Variants in KIAA1217 observed in about 807,000 individuals in gnomAD.
The protein encoded by KIAA1217 is KIAA1217, also known as sickle tail protein homolog.
Under a neutral mutation model 163.9 loss-of-function variants are expected in KIAA1217, and 88 were observed. The observed-to-expected ratio is 0.54, with a 90% CI of 0.45 to 0.64. KIAA1217 has a LOEUF of 0.64. KIAA1217 is among the 30% of genes least tolerant of loss of function. The pLI is 0.00. For synonymous variants in KIAA1217, 903 were observed against 923.1 expected, an observed-to-expected ratio of 0.98 and a Z score of 0.39; for missense variants, 2,372 against 2,475.0, an observed-to-expected ratio of 0.96 and a Z score of 0.88.
chr10:24,185,654 G>A (rs2066393462), intron 2 of KIAA1217, among the ~76,000 whole-genome samples: 1 of 152,084 alleles, frequency 6.6e-6, no homozygotes, highest in Admixed American at 6.5e-5. Context: ...AATTAGCCAA[G>A]CATGGTGGCT....
intron 1 of KIAA1217, among the ~76,000 whole-genome samples, chr10:23,867,837 G>C (rs989620294): frequency 6.6e-6 from 1 of 152,120 alleles, no homozygotes; most frequent in Non-Finnish European, 1.5e-5. Context: ...CTTTTGCTGT[G>C]CAGAAGCTCT....
chr10:24,105,388 A>G (rs2062584747), intron 2 of KIAA1217, among the ~76,000 whole-genome samples: 1 of 152,192 alleles, frequency 6.6e-6, no homozygotes. Flanking sequence ...GGAAGCCAGG[A>G]TGTACTGGGA....
chr10:23,978,149 A>G (rs77554940), intron 1 of KIAA1217, among the ~76,000 whole-genome samples: 1,790 of 152,280 alleles, frequency 0.012, 51 homozygotes, highest in African/African-American at 0.04. Flanking sequence ...GATCCTCATC[A>G]TGGTGATTTC....
chr10:24,492,610 C>T (rs1188160714), intron 6 of KIAA1217, among the ~76,000 whole-genome samples: 1 of 152,068 alleles, frequency 6.6e-6, no homozygotes, highest in Non-Finnish European at 1.5e-5. Context: ...TTGTGACAGA[C>T]CTTCAATTTT....
At chr10:24,080,567 A>C (rs919429829) in intron 2 of KIAA1217, among the ~76,000 whole-genome samples, 2 of 152,192 alleles carry the variant, frequency 1.3e-5, no homozygotes, top group African/African-American at 4.8e-5. Context: ...CTCACTAATT[A>C]ACCATAATTA....
chr10:23,869,136 T>G (rs926974704), intron 1 of KIAA1217, among the ~76,000 whole-genome samples: 68 of 142,842 alleles, frequency 4.8e-4, no homozygotes, highest in Non-Finnish European at 7.3e-4. Context: ...TTTTTTTTTT[T>G]TTTTTTTTTT....
intron 2 of KIAA1217, among the ~76,000 whole-genome samples, chr10:24,224,217 C>T (rs1393633758): frequency 6.6e-6 from 1 of 152,232 alleles, no homozygotes; most frequent in African/African-American, 2.4e-5. Flanking sequence ...TCAGGCTGTA[C>T]AGCCTCATTG....
chr10:23,975,469 A>G (rs1471141010), intron 1 of KIAA1217, among the ~76,000 whole-genome samples: 2 of 152,248 alleles, frequency 1.3e-5, no homozygotes, highest in African/African-American at 4.8e-5. Flanking sequence ...TTCTTTGAAA[A>G]TAAAAGGTAA....
At chr10:23,775,550 G>A (rs966688185) in intron 1 of KIAA1217, among the ~76,000 whole-genome samples, 3 of 152,114 alleles carry the variant, frequency 2.0e-5, no homozygotes, top group Admixed American at 6.5e-5. Context: ...TCACTCCTCC[G>A]TCCCCAAGTC....
rs183944279 is a variant in KIAA1217 at position 24,383,312 on chromosome 10, C to T, written c.553+2245C>T. The stretch of plus-strand genomic sequence containing the variant: ...AATGCCTGTCCGCCTTCCCCCATAC[C>T]TGGGGGAACTTTGACTCTGTCGGAT... On this transcript the variant is annotated intron_variant, in intron 3 of 20. Transcript: ENST00000376454. 1.7e-4 allele frequency among the ~76,000 whole-genome samples: 26 copies of T among 152,280 alleles called. No homozygotes were observed. In the East Asian group the frequency reaches 4.3e-3, roughly 25 times the overall value.
intron 1 of KIAA1217, among the ~76,000 whole-genome samples, chr10:23,900,765 G>A (rs951123987): frequency 5.3e-5 from 8 of 152,004 alleles, no homozygotes; most frequent in African/African-American, 1.9e-4. Flanking sequence ...TTAGTGGAGG[G>A]CGAGAAATAG....
intron 2 of KIAA1217, among the ~76,000 whole-genome samples, chr10:24,163,359 TTAATG>T (rs1564775490): frequency 6.6e-6 from 1 of 152,204 alleles, no homozygotes; most frequent in Non-Finnish European, 1.5e-5. Context: ...ACTATTGTCA[TTAATG>T]GCCTCAAGGA....
upstream of KIAA1217, among the ~76,000 whole-genome samples, chr10:24,204,571 G>A (rs1037702130): frequency 6.6e-5 from 10 of 152,298 alleles, no homozygotes; most frequent in African/African-American, 2.4e-4. Flanking sequence ...GAAACCTAAG[G>A]CGCCCAGAGG....
intron 2 of KIAA1217, among the ~76,000 whole-genome samples, chr10:24,317,365 C>T (rs2043534463): frequency 6.6e-6 from 1 of 152,132 alleles, no homozygotes; most frequent in Non-Finnish European, 1.5e-5. Flanking sequence ...GCGATTCCCC[C>T]ACCTCAGCCT....
At chr10:24,081,340 T>C (rs549953907) in intron 2 of KIAA1217, among the ~76,000 whole-genome samples, 4 of 152,276 alleles carry the variant, frequency 2.6e-5, no homozygotes, top group East Asian at 1.9e-4. Context: ...GGACACCCGA[T>C]GTGAGCTGCA....
At chr10:23,703,084 C>T (rs1237007715) in intron 1 of KIAA1217, among the ~76,000 whole-genome samples, 1 of 152,116 alleles carries the variant, frequency 6.6e-6, no homozygotes, top group East Asian at 1.9e-4. Flanking sequence ...GCGATTAGAA[C>T]ATCTTCCCTC....
chr10:23,860,672 A>G (rs1839909104), intron 1 of KIAA1217, among the ~76,000 whole-genome samples: 1 of 152,182 alleles, frequency 6.6e-6, no homozygotes, highest in Non-Finnish European at 1.5e-5. Context: ...TGTTGTAGAG[A>G]TAATCATAAA....
chr10:24,162,192 T>C (rs2065150700), intron 2 of KIAA1217, among the ~76,000 whole-genome samples: 2 of 152,156 alleles, frequency 1.3e-5, no homozygotes, highest in African/African-American at 4.8e-5. Flanking sequence ...AATAAACTTG[T>C]AACAGGGCAG....
intron 2 of KIAA1217, among the ~76,000 whole-genome samples, chr10:24,278,906 G>T (rs2077591503): frequency 6.7e-6 from 1 of 150,160 alleles, no homozygotes; most frequent in Admixed American, 6.6e-5. Flanking sequence ...GCTCAGGCTG[G>T]AGTGCAGCGG....
Sources: gnomAD v4.1 joint callset for allele counts (sites outside exome capture counted in the v4.1 genomes callset) on GRCh38, gnomAD v4.1.1 for gene constraint, MANE v1.5 for transcripts, NCBI Gene and HGNC (gene_info 2026-07-23, HGNC 2026-07-21) for gene names.